PUDP: variants seen among roughly 807,000 people sequenced by gnomAD.
PUDP encodes the protein pseudouridine-5'-phosphatase.
PUDP carries 8 observed loss-of-function variants against 9.4 expected under a neutral mutation model. The ratio of observed to expected loss-of-function variants is 0.85; its 90% CI spans 0.50 to 1.53. The LOEUF (loss-of-function observed/expected upper bound fraction) is 1.53, where lower values mean the gene tolerates loss of function less well. Ranked by LOEUF, PUDP falls within the 40% of genes most tolerant of loss-of-function variation. PUDP has a pLI of 0.00. For synonymous variants in PUDP, 99 were observed against 80.7 expected, an observed-to-expected ratio of 1.23 and a Z score of -1.22; for missense variants, 188 against 189.7, an observed-to-expected ratio of 0.99 and a Z score of 0.05.
chrX:6,930,552 C>T (rs747529624), intron 3 of PUDP, among the ~76,000 whole-genome samples: 199 of 111,430 alleles, frequency 1.8e-3, no homozygotes, highest in African/African-American at 5.1e-3. Flanking sequence ...CTGGGAAAAC[C>T]CCACCCCCTT....
intron 3 of PUDP, among the ~76,000 whole-genome samples, chrX:6,734,742 C>T (rs1231300140): frequency 1.8e-5 from 2 of 111,501 alleles, no homozygotes; most frequent in African/African-American, 6.5e-5. Flanking sequence ...GTGAGACCAT[C>T]CTGGGCTACA....
intron 3 of PUDP, among the ~76,000 whole-genome samples, chrX:6,863,694 T>C (rs1927037147): frequency 1.8e-5 from 2 of 112,049 alleles, no homozygotes; most frequent in Non-Finnish European, 3.8e-5. Context: ...AAATCCAATT[T>C]GTGTATAGCT....
intron 3 of PUDP, among the ~76,000 whole-genome samples, chrX:6,815,498 G>A (rs1926215138): frequency 8.9e-6 from 1 of 111,896 alleles, no homozygotes; most frequent in Non-Finnish European, 1.9e-5. Context: ...ATTTATCAAA[G>A]AGAGATAAAG....
At chrX:6,892,700 G>A (rs1927533314) in intron 3 of PUDP, among the ~76,000 whole-genome samples, 1 of 111,428 alleles carries the variant, frequency 9.0e-6, no homozygotes, top group Non-Finnish European at 1.9e-5. Flanking sequence ...TTTGGAGATA[G>A]GGCCTATGAG....
chrX:7,052,907 G>A (rs1248701725), intron 3 of PUDP, among the ~76,000 whole-genome samples: 1 of 111,676 alleles, frequency 9.0e-6, no homozygotes, highest in Non-Finnish European at 1.9e-5. Flanking sequence ...CGTAGGACGC[G>A]AGAAGAAATG....
At chrX:6,914,642 C>T (rs1392575152) in intron 3 of PUDP, among the ~76,000 whole-genome samples, 1 of 112,229 alleles carries the variant, frequency 8.9e-6, no homozygotes, top group Non-Finnish European at 1.9e-5. Context: ...TGGAGCACCG[C>T]TCAGAAAAGC....
At chrX:6,883,333 C>T (rs918063280) in intron 3 of PUDP, among the ~76,000 whole-genome samples, 1 of 110,391 alleles carries the variant, frequency 9.1e-6, no homozygotes, top group Admixed American at 9.7e-5. Flanking sequence ...ACCAGATTGG[C>T]CAACATGGCG....
At chrX:6,812,479 C>T (rs1208564726) in intron 3 of PUDP, among the ~76,000 whole-genome samples, 2 of 111,869 alleles carry the variant, frequency 1.8e-5, no homozygotes, top group Non-Finnish European at 3.8e-5. Context: ...GTAGTTTCTC[C>T]ATGCCTTGGG....
chrX:6,710,155 C>G (rs1384504365), intron 1 of PUDP, among the ~76,000 whole-genome samples: 1 of 111,586 alleles, frequency 9.0e-6, no homozygotes, highest in Non-Finnish European at 1.9e-5. Context: ...CAAACAAAAA[C>G]AAACAAATGA....
At chrX:6,817,370 G>A (rs1356314691) in intron 3 of PUDP, among the ~76,000 whole-genome samples, 1 of 111,352 alleles carries the variant, frequency 9.0e-6, no homozygotes, top group Non-Finnish European at 1.9e-5. Context: ...ACCATGCCCC[G>A]CCTTAAGCCT....
At chrX:6,833,112 A>G (rs1926529184) in intron 3 of PUDP, among the ~76,000 whole-genome samples, 1 of 112,371 alleles carries the variant, frequency 8.9e-6, no homozygotes, top group Non-Finnish European at 1.9e-5. Flanking sequence ...ATAAATAGTA[A>G]GTTAGGGTAA....
chrX:6,855,356 G>C (rs148550628), intron 3 of PUDP, among the ~76,000 whole-genome samples: 1 of 111,978 alleles, frequency 8.9e-6, no homozygotes, highest in East Asian at 2.8e-4. Flanking sequence ...GCAGTGGGCT[G>C]TTAATAGTTT....
In PUDP at chrX:7,125,999, G is replaced by T. The variant is rs748743023; in HGVS notation, c.62-20161C>A. ...TCTTAGCATTCCCTATCAATGGCCTGTTAGGAATTACCACCAGGGATATAT... is the reference window on the plus strand; with the variant it reads ...TCTTAGCATTCCCTATCAATGGCCTTTTAGGAATTACCACCAGGGATATAT... On this transcript the variant is annotated intron_variant, in intron 1 of 3. Transcript: ENST00000381077. 7.2e-5 allele frequency among the ~76,000 whole-genome samples: 8 copies of T among 110,879 alleles called. No homozygotes were observed. In the East Asian group the frequency reaches 2.0e-3, roughly 28 times the overall value.
At chrX:7,072,150 G>C (rs761115339) in intron 3 of PUDP, among the ~76,000 whole-genome samples, 39 of 111,651 alleles carry the variant, frequency 3.5e-4, no homozygotes, top group Non-Finnish European at 6.4e-4. Flanking sequence ...ATGTCTAAAG[G>C]CTGGTTGAAA....
intron 3 of PUDP, among the ~76,000 whole-genome samples, chrX:6,971,020 C>T (rs1240153043): frequency 9.1e-6 from 1 of 110,262 alleles, no homozygotes; most frequent in Admixed American, 9.7e-5. Flanking sequence ...CACTGCACTC[C>T]AGCCTGGGTG....
At chrX:6,781,028 C>G (rs948091280) in intron 3 of PUDP, among the ~76,000 whole-genome samples, 1 of 111,079 alleles carries the variant, frequency 9.0e-6, no homozygotes, top group Non-Finnish European at 1.9e-5. Context: ...GAGCGAGACT[C>G]TGTCTCCAAA....
At chrX:7,008,684 C>G (rs1312282779) in intron 1 of PUDP, among the ~76,000 whole-genome samples, 3 of 112,013 alleles carry the variant, frequency 2.7e-5, no homozygotes, top group African/African-American at 9.8e-5. Context: ...ATAACCCATG[C>G]TTTAAAATGA....
intron 3 of PUDP, among the ~76,000 whole-genome samples, chrX:7,061,442 C>T (rs768157847): frequency 3.4e-4 from 38 of 111,639 alleles, no homozygotes; most frequent in African/African-American, 1.2e-3. Context: ...CAATTTTACT[C>T]AGTTGAACAG....
chrX:7,068,131 G>T (rs1930623226), intron 3 of PUDP, among the ~76,000 whole-genome samples: 2 of 111,754 alleles, frequency 1.8e-5, no homozygotes, highest in African/African-American at 6.5e-5. Flanking sequence ...CACTATAGCT[G>T]GGAATGTAGG....
Sources: gnomAD v4.1 joint callset for allele counts (sites outside exome capture counted in the v4.1 genomes callset) on GRCh38, gnomAD v4.1.1 for gene constraint, MANE v1.5 for transcripts, NCBI Gene and HGNC (gene_info 2026-07-23, HGNC 2026-07-21) for gene names.